VAC14: variants seen among roughly 807,000 people sequenced by gnomAD.
VAC14 encodes protein VAC14 homolog.
In VAC14, 47 loss-of-function variants were observed where a neutral mutation model predicts 85.3. The ratio of observed to expected loss-of-function variants is 0.55; its 90% CI spans 0.44 to 0.70. The LOEUF (loss-of-function observed/expected upper bound fraction) is 0.70. VAC14 is among the 30% of genes least tolerant of loss of function. VAC14 has a pLI of 0.00. For missense variants in VAC14, 861 were observed against 1,004.3 expected, an observed-to-expected ratio of 0.86 and a Z score of 1.93; for synonymous variants, 447 against 430.5, an observed-to-expected ratio of 1.04 and a Z score of -0.47.
chr16:70,761,230 G>A (rs1385222689), intron 12 of VAC14: 1 of 454,940 alleles, frequency 2.2e-6, no homozygotes, highest in Non-Finnish European at 4.4e-6. Context: ...GCCCAGGGAA[G>A]ACTGAGGAGC....
intron 12 of VAC14, chr16:70,761,013 GTGTGTGCAT>G: frequency 2.9e-6 from 1 of 339,440 alleles, no homozygotes; most frequent in South Asian, 2.1e-5. Context: ...GTGTGTGTGT[GTGTGTGCAT>G]GGGGGGGCGG....
At chr16:70,709,371 G>A (rs1227634516) in intron 14 of VAC14, among the ~76,000 whole-genome samples, 1 of 152,146 alleles carries the variant, frequency 6.6e-6, no homozygotes, top group East Asian at 1.9e-4. Context: ...GAGCTGCAGA[G>A]ATCACTGGGG....
In VAC14 at chr16:70,729,836, G is replaced by A. The variant is rs142231839; in HGVS notation, c.1661+1659C>T. Among the ~76,000 whole-genome samples, 588 of 152,178 alleles carry A rather than the reference G, an allele frequency of 3.9e-3. 1 individual carries two copies. The highest frequency in any genetic ancestry group is 0.014 in the African/African-American group (566 of 41,508). ...TTCAGTAAACATCTGTTGAATGAAT[G>A]AATGAATGAATGACTATGCCATCAA... On this transcript the variant is annotated intron_variant, in intron 14 of 18. Coordinates refer to ENST00000261776, the MANE Select transcript of VAC14 (RefSeq NM_018052.5).
At chr16:70,784,433 G>A (rs564783040) in intron 4 of VAC14, among the ~76,000 whole-genome samples, 1 of 152,260 alleles carries the variant, frequency 6.6e-6, no homozygotes, top group South Asian at 2.1e-4. Flanking sequence ...AAGCAAAGTC[G>A]AGAGAACCAA....
intron 14 of VAC14, among the ~76,000 whole-genome samples, chr16:70,704,467 TG>T (rs987247600): frequency 1.1e-4 from 17 of 152,330 alleles, no homozygotes; most frequent in African/African-American, 4.1e-4. Flanking sequence ...CAAGACTTCC[TG>T]GGGGCTTTAC....
chr16:70,731,433 G>T, intron 14 of VAC14, 62 bp downstream of exon 14: 1 of 1,580,218 alleles, frequency 6.3e-7, no homozygotes, highest in Admixed American at 1.9e-5. Flanking sequence ...CACTTGAATG[G>T]CGTGAAAGTG....
In VAC14 at chr16:70,698,682, T is replaced by C. The variant is rs1219293070; in HGVS notation, c.1791A>G (p.Thr597=). The C allele has an allele frequency of 6.2e-7, 1 of 1,614,156 alleles. No homozygotes were observed. Among genetic ancestry groups the C allele is most frequent in the Admixed American group, 1.7e-5 (1 of 60,024 alleles). Residue 597 remains threonine, a synonymous_variant, in exon 15 of 19, where the codon ACA becomes ACG. Transcript: ENST00000261776. ...HALNTILLTS[T]ELFQLRNQLK... is the part of the protein sequence containing the mutation. ...GCTGGTTCCTTAGCTGGAAGAGCTCTGTGGAGGTCAGCAGGATGGTGTTGA... is the reference window on the plus strand; with the variant it reads ...GCTGGTTCCTTAGCTGGAAGAGCTCCGTGGAGGTCAGCAGGATGGTGTTGA...
chr16:70,797,295 A>C (rs139335193), intron 1 of VAC14, among the ~76,000 whole-genome samples: 28 of 152,278 alleles, frequency 1.8e-4, no homozygotes, highest in African/African-American at 5.5e-4. Context: ...CATCACTCTG[A>C]CACTGACTCT....
At chr16:70,773,635 A>G (rs1380064079) in intron 9 of VAC14, among the ~76,000 whole-genome samples, 1 of 152,144 alleles carries the variant, frequency 6.6e-6, no homozygotes, top group Non-Finnish European at 1.5e-5. Context: ...TCCTGATACT[A>G]ATTTTTTGTA....
At chr16:70,733,531 G>A (rs116996187) in intron 13 of VAC14, among the ~76,000 whole-genome samples, 4,847 of 152,088 alleles carry the variant, frequency 0.032, 557 homozygotes, top group Admixed American at 0.21. Flanking sequence ...GTTACTGGAT[G>A]ATGGGGGTGG....
chr16:70,691,541 C>A (rs1404260575), intron 18 of VAC14: 3 of 985,362 alleles, frequency 3.0e-6, no homozygotes, highest in Non-Finnish European at 1.2e-6. Flanking sequence ...CATGGCTGAC[C>A]CTGCTCCCCT....
rs1486120876 is a variant in VAC14 at position 70,762,536 on chromosome 16, C to G, written c.1371+4G>C. On this transcript the variant is annotated splice_donor_region_variant and intron_variant, in intron 12 of 18. Transcript: ENST00000261776. The surrounding 1 kb of genome is among the most constrained non-coding windows in gnomAD (Gnocchi z 4.1). ...CATAAGTACGGGTGGCGTTGGTGAC[C>G]TACCTCATCCGATTCATCCGATAAC... 1.2e-6 allele frequency: 2 copies of G among 1,614,060 alleles called. No individual in the cohort carries two copies. The highest frequency in any genetic ancestry group is 1.7e-6 in the Non-Finnish European group (2 of 1,179,930).
intron 18 of VAC14, chr16:70,688,828 C>T (rs1185666560): frequency 1.0e-6 from 1 of 985,520 alleles, no homozygotes; most frequent in Non-Finnish European, 1.2e-6. Context: ...CGATGAGATC[C>T]CCTTGGGCTC....
intron 12 of VAC14, among the ~76,000 whole-genome samples, chr16:70,760,053 T>C (rs879344726): frequency 6.6e-6 from 1 of 152,184 alleles, no homozygotes; most frequent in African/African-American, 2.4e-5. Context: ...CCTCCCATGG[T>C]AATGACTTCC....
At chr16:70,704,405 A>G (rs768205868) in intron 14 of VAC14, among the ~76,000 whole-genome samples, 1 of 152,196 alleles carries the variant, frequency 6.6e-6, no homozygotes, top group Admixed American at 6.5e-5. Context: ...CATCTCCTCC[A>G]GGGATAAGAC....
intron 14 of VAC14, among the ~76,000 whole-genome samples, chr16:70,729,247 A>G (rs1446513365): frequency 6.6e-6 from 1 of 152,216 alleles, no homozygotes; most frequent in African/African-American, 2.4e-5. Flanking sequence ...TCCAATGCCA[A>G]CGGCGCTGAG....
intron 17 of VAC14, 109 bp downstream of exon 17, chr16:70,695,435 C>A: frequency 8.8e-7 from 1 of 1,135,764 alleles, no homozygotes. Context: ...GGTGACTGCT[C>A]TTCCTCCCTC....
In VAC14 at chr16:70,793,301, T is replaced by G. The variant is rs533752624; in HGVS notation, c.105-6936A>C. On this transcript the variant is annotated intron_variant, in intron 1 of 18. Coordinates refer to ENST00000261776, the MANE Select transcript of VAC14 (RefSeq NM_018052.5). Reference sequence around the variant, plus strand: ...TAACCATCAGCTGAGTACTTACTATTTGCCAGGCAACGTGCTGCATGTTTA... The same window carrying G: ...TAACCATCAGCTGAGTACTTACTATGTGCCAGGCAACGTGCTGCATGTTTA... Among the ~76,000 whole-genome samples, 3 of 152,330 alleles carry G rather than the reference T, an allele frequency of 2.0e-5. No individual in the cohort carries two copies. The South Asian group carries it at 6.2e-4, about 32-fold the overall frequency.
At chr16:70,689,510 G>T in intron 18 of VAC14, 2 of 985,520 alleles carry the variant, frequency 2.0e-6, no homozygotes, top group Non-Finnish European at 2.4e-6. Context: ...CAGGGCAGGG[G>T]GACTCTTCCC....
Sources: allele counts gnomAD v4.1 joint callset (sites outside exome capture counted in the v4.1 genomes callset), GRCh38; gene constraint gnomAD v4.1.1; non-coding constraint Gnocchi (gnomAD v3.1); transcripts MANE v1.5; gene names NCBI Gene and HGNC (gene_info 2026-07-23, HGNC 2026-07-21).